SCARA5: variants seen among roughly 807,000 people sequenced by gnomAD.
The protein encoded by SCARA5 is scavenger receptor class A member 5.
In SCARA5, 45 loss-of-function variants were observed where a neutral mutation model predicts 46.3. That is an observed-to-expected ratio of 0.97 (90% CI 0.76 to 1.24). SCARA5 has a LOEUF of 1.24. Ranked by LOEUF, SCARA5 falls within the 50% of genes most tolerant of loss-of-function variation. SCARA5 has a pLI of 0.00. For missense variants in SCARA5, 680 were observed against 689.0 expected (o/e 0.99, Z 0.15); for synonymous variants, 333 against 306.5 (o/e 1.09, Z -0.90).
At chr8:27,929,107 C>T (rs943165057) in intron 3 of SCARA5, among the ~76,000 whole-genome samples, 20 of 152,154 alleles carry the variant, frequency 1.3e-4, no homozygotes, top group African/African-American at 4.8e-4. Flanking sequence ...TTACTGAATA[C>T]TAATGAATGT....
chr8:27,879,823 A>G (rs374257008), intron 7 of SCARA5, 57 bp from the exon 8 acceptor site: 1 of 1,563,894 alleles, frequency 6.4e-7, no homozygotes. Flanking sequence ...ACCCGCCCCC[A>G]GGGGCCTTCT....
At chr8:27,877,264 T>C (rs921784180) in intron 8 of SCARA5, among the ~76,000 whole-genome samples, 3 of 152,096 alleles carry the variant, frequency 2.0e-5, no homozygotes, top group African/African-American at 7.2e-5. Flanking sequence ...AGGTCTTGAA[T>C]AGCACCTGAG....
At chr8:27,981,683 C>A (rs188638751) in intron 2 of SCARA5, among the ~76,000 whole-genome samples, 145 of 152,356 alleles carry the variant, frequency 9.5e-4, no homozygotes, top group Non-Finnish European at 1.7e-3. Context: ...CACTGCAACA[C>A]GTGTCACCAA....
chr8:27,923,663 C>T (rs1017752611), intron 3 of SCARA5, among the ~76,000 whole-genome samples: 2 of 152,168 alleles, frequency 1.3e-5, no homozygotes, highest in African/African-American at 4.8e-5. Flanking sequence ...GCAACCTCTG[C>T]CTCCCAGGTT....
At chr8:27,914,914 T>G (rs996034917) in intron 4 of SCARA5, among the ~76,000 whole-genome samples, 2 of 152,170 alleles carry the variant, frequency 1.3e-5, no homozygotes, top group African/African-American at 2.4e-5. Flanking sequence ...GGGAAACCCA[T>G]GCCTTCTCCC....
chr8:27,928,655 TTTTC>T (rs1807719685), intron 3 of SCARA5, among the ~76,000 whole-genome samples: 1 of 151,592 alleles, frequency 6.6e-6, no homozygotes, highest in African/African-American at 2.4e-5. Context: ...TCTCTTTTTC[TTTTC>T]TTTTTTTTTC....
At chr8:27,919,059 A>G (rs376860950) in intron 4 of SCARA5, among the ~76,000 whole-genome samples, 2 of 135,398 alleles carry the variant, frequency 1.5e-5, no homozygotes, top group Non-Finnish European at 1.6e-5. Flanking sequence ...GAGGAGGAGG[A>G]GAGAAGGGAG....
intron 3 of SCARA5, among the ~76,000 whole-genome samples, chr8:27,951,415 C>G (rs1406569945): frequency 6.6e-6 from 1 of 152,192 alleles, no homozygotes; most frequent in Non-Finnish European, 1.5e-5. Flanking sequence ...CCAACAGAAC[C>G]TTTAAAGAGC....
intron 3 of SCARA5, among the ~76,000 whole-genome samples, chr8:27,960,488 C>T (rs977041471): frequency 3.3e-5 from 5 of 152,166 alleles, no homozygotes; most frequent in Admixed American, 6.5e-5. Context: ...TGAGTACTTA[C>T]GTGCCAGGCA....
intron 3 of SCARA5, among the ~76,000 whole-genome samples, chr8:27,942,273 T>C (rs1807960281): frequency 6.6e-6 from 1 of 152,168 alleles, no homozygotes; most frequent in Admixed American, 6.5e-5. Flanking sequence ...CTCCCTATGA[T>C]TGTGACTTTC....
chr8:27,874,786 C>T (rs939638525), intron 8 of SCARA5, among the ~76,000 whole-genome samples: 1 of 152,212 alleles, frequency 6.6e-6, no homozygotes, highest in Non-Finnish European at 1.5e-5. Context: ...GTGCAGCAAT[C>T]CTTACCTCCT....
At chr8:27,990,974 C>T (rs1372483539) in intron 1 of SCARA5, among the ~76,000 whole-genome samples, 1 of 152,248 alleles carries the variant, frequency 6.6e-6, no homozygotes, top group Non-Finnish European at 1.5e-5. Flanking sequence ...AGCCAGGGAT[C>T]TGCTTCTAGA....
chr8:27,921,514 G>T, intron 4 of SCARA5, 57 bp downstream of exon 4: 2 of 1,443,046 alleles, frequency 1.4e-6, no homozygotes, highest in South Asian at 1.4e-5. Flanking sequence ...GGGGCGTGCA[G>T]GAGGAAGACC....
At chr8:27,878,197 C>T (rs552618127) in intron 8 of SCARA5, among the ~76,000 whole-genome samples, 2 of 152,336 alleles carry the variant, frequency 1.3e-5, no homozygotes, top group South Asian at 4.1e-4. Context: ...CCCACACCCA[C>T]CTGGTCTTCT....
At chr8:27,972,045 G>A (rs947496872) in intron 2 of SCARA5, among the ~76,000 whole-genome samples, 4 of 152,096 alleles carry the variant, frequency 2.6e-5, no homozygotes, top group African/African-American at 4.8e-5. Context: ...GGCTGGGCCC[G>A]GTGGCTCACC....
intron 3 of SCARA5, among the ~76,000 whole-genome samples, chr8:27,949,845 G>T (rs1192104191): frequency 6.6e-6 from 1 of 152,242 alleles, no homozygotes; most frequent in Non-Finnish European, 1.5e-5. Flanking sequence ...GGCCCTGCAG[G>T]TTGCAGTGGG....
At chr8:27,894,389 C>T (rs1807029369) in intron 7 of SCARA5, among the ~76,000 whole-genome samples, 1 of 152,182 alleles carries the variant, frequency 6.6e-6, no homozygotes, top group African/African-American at 2.4e-5. Context: ...GCTTTTCATC[C>T]ATCTCACAAC....
chr8:27,950,917 T>C (rs1342745465), intron 3 of SCARA5, among the ~76,000 whole-genome samples: 2 of 150,858 alleles, frequency 1.3e-5, no homozygotes, highest in African/African-American at 4.9e-5. Context: ...AAGCCATTTA[T>C]TCCACAGACC....
chr8:27,909,869 C>T, intron 4 of SCARA5, 126 bp from the exon 5 acceptor site: 2 of 583,358 alleles, frequency 3.4e-6, no homozygotes, highest in Non-Finnish European at 6.0e-6. Flanking sequence ...TGGAAACTCA[C>T]AGGAAACCCC....
Sources: allele counts gnomAD v4.1 joint callset (sites outside exome capture counted in the v4.1 genomes callset), GRCh38; gene constraint gnomAD v4.1.1; transcripts MANE v1.5; gene names NCBI Gene and HGNC (gene_info 2026-07-23, HGNC 2026-07-21).